XKR6: variants seen among roughly 807,000 people sequenced by gnomAD.
XKR6 encodes XK related 6, also known as XK-related protein 6.
XKR6 carries 22 observed loss-of-function variants against 56.7 expected under a neutral mutation model. The observed-to-expected ratio is 0.39, with a 90% CI of 0.28 to 0.55. XKR6 has a LOEUF of 0.55. XKR6 is among the 20% of genes least tolerant of loss of function. The probability of loss-of-function intolerance (pLI) is 0.66; values close to 1 mark genes in which losing one functional copy is unlikely to be tolerated. For synonymous variants in XKR6, 524 were observed against 387.8 expected (o/e 1.35, Z -4.13); for missense variants, 852 against 889.0 (o/e 0.96, Z 0.53).
chr8:11,145,236 T>C (rs925684577), intron 1 of XKR6, among the ~76,000 whole-genome samples: 3 of 151,178 alleles, frequency 2.0e-5, no homozygotes, highest in Admixed American at 6.6e-5. Context: ...CTGGTAAGCA[T>C]GATGCAAATA....
intron 1 of XKR6, among the ~76,000 whole-genome samples, chr8:10,990,185 C>T (rs1039788780): frequency 4.6e-5 from 7 of 152,204 alleles, no homozygotes; most frequent in African/African-American, 1.7e-4. Flanking sequence ...TTTATACCTG[C>T]ATGTGATTTT....
intron 1 of XKR6, among the ~76,000 whole-genome samples, chr8:11,129,698 T>A (rs774630495): frequency 5.9e-5 from 9 of 152,228 alleles, no homozygotes; most frequent in African/African-American, 1.9e-4. Context: ...TTATCATAAA[T>A]CTATAATTTA....
chr8:11,160,767 G>C (rs374975870), intron 1 of XKR6, among the ~76,000 whole-genome samples: 1 of 151,922 alleles, frequency 6.6e-6, no homozygotes, highest in Non-Finnish European at 1.5e-5. Flanking sequence ...AATTAGCTGG[G>C]TATGGTGGCA....
intron 1 of XKR6, among the ~76,000 whole-genome samples, chr8:11,100,524 G>T: frequency 6.6e-6 from 1 of 152,192 alleles, no homozygotes; most frequent in East Asian, 1.9e-4. Context: ...TGGCTGGGAG[G>T]ATGGCACGGA....
chr8:10,944,594 G>A (rs1291076084), intron 1 of XKR6, among the ~76,000 whole-genome samples: 2 of 152,172 alleles, frequency 1.3e-5, no homozygotes, highest in African/African-American at 4.8e-5. Flanking sequence ...CAGAAATAGT[G>A]CACCCATGTA....
At chr8:11,042,895 TCCTCCCTG>T (rs1352124640) in intron 1 of XKR6, among the ~76,000 whole-genome samples, 27 of 151,796 alleles carry the variant, frequency 1.8e-4, no homozygotes, top group African/African-American at 6.5e-4. Flanking sequence ...CCCAGAAGAG[TCCTCCCTG>T]CACTCCTCTT....
chr8:10,968,536 C>T (rs1348949141), intron 1 of XKR6, among the ~76,000 whole-genome samples: 4 of 152,380 alleles, frequency 2.6e-5, no homozygotes, highest in African/African-American at 7.2e-5. Flanking sequence ...ACCCTCCCTC[C>T]TCCTGTCCTC....
At position 10,898,032 on chromosome 8, in the gene XKR6, C is replaced by G. The variant is rs1465916564; in HGVS notation, c.1846G>C (p.Val616Leu). The G allele has an allele frequency of 1.2e-6, 2 of 1,613,778 alleles. No homozygotes were observed. Among genetic ancestry groups the G allele is most frequent in the Non-Finnish European group, 1.7e-6 (2 of 1,179,902 alleles). Residue 616 changes from valine to leucine, a missense_variant, in exon 3 of 3, where the codon GTC becomes CTC. Transcript: ENST00000416569. The surrounding 1 kb of genome is among the most constrained non-coding windows in gnomAD (Gnocchi z 6.6). ...LRRTINILQY[V>L]TPTAVGIRYR... ...CGAATGCCTACTGCGGTGGGGGTGA[C>G]ATATTGTAGAATGTTAATAGTCCTT... is the stretch of plus-strand genomic sequence containing the variant.
chr8:11,164,396 T>C (rs561061849), intron 1 of XKR6, among the ~76,000 whole-genome samples: 2 of 152,360 alleles, frequency 1.3e-5, no homozygotes, highest in South Asian at 4.1e-4. Flanking sequence ...CATTAGCCCT[T>C]TCTCCTCAGT....
In XKR6 at chr8:11,200,850, G is replaced by A. The variant is rs756497025; in HGVS notation, c.490C>T (p.Leu164=). 1.9e-6 allele frequency: 3 copies of A among 1,611,988 alleles called. No homozygotes were observed. The South Asian group carries it at 3.3e-5, about 18-fold the overall frequency. ...GGCACCAGCACGAAGAAGAGGGTCA[G>A]CCCGAAGTAGACGTAGTCCCCCTTG... is the stretch of plus-strand genomic sequence containing the variant. ...YRKGDYVYFG[L]TLFFVLVPSL... The change falls in exon 1 of 3, where the codon CTG becomes TTG. Residue 164 remains leucine, a synonymous_variant. Transcript: ENST00000416569. The surrounding 1 kb of genome is among the most constrained non-coding windows in gnomAD (Gnocchi z 6.4).
chr8:11,127,806 G>C (rs1014074708), intron 1 of XKR6, among the ~76,000 whole-genome samples: 2 of 152,210 alleles, frequency 1.3e-5, no homozygotes, highest in South Asian at 4.2e-4. Flanking sequence ...TGGACACTGC[G>C]GGGGGCGCCA....
At chr8:11,179,387 C>T (rs1321418602) in intron 1 of XKR6, among the ~76,000 whole-genome samples, 1 of 152,108 alleles carries the variant, frequency 6.6e-6, no homozygotes, top group African/African-American at 2.4e-5. Context: ...ACTTTCAGTC[C>T]ACCTAACATT....
chr8:11,002,690 G>T lies in XKR6; in HGVS notation c.765-77860C>A, dbSNP rs542652934. 5.9e-5 allele frequency among the ~76,000 whole-genome samples: 9 copies of T among 152,344 alleles called. 1 individual carries two copies. The highest frequency in any genetic ancestry group is 2.2e-4 in the African/African-American group (9 of 41,580). ...CAACCATGGGATGGCCCAGGCCCAG[G>T]GGGTGGTGCGAGTTCAACGGCCCCA... On this transcript the variant is annotated intron_variant, in intron 1 of 2. Coordinates refer to ENST00000416569, the MANE Select transcript of XKR6 (RefSeq NM_173683.4).
At chr8:11,074,916 G>A (rs899669840) in intron 1 of XKR6, among the ~76,000 whole-genome samples, 2 of 152,206 alleles carry the variant, frequency 1.3e-5, no homozygotes, top group Non-Finnish European at 2.9e-5. Context: ...GCAGAGCCCT[G>A]GGAAAAGCTG....
chr8:11,157,774 G>A (rs756020132), intron 1 of XKR6, among the ~76,000 whole-genome samples: 2 of 151,998 alleles, frequency 1.3e-5, no homozygotes, highest in Non-Finnish European at 2.9e-5. Context: ...CTTGGCCTCC[G>A]AAAGTGCTGG....
In XKR6 at chr8:11,144,477, A is replaced by G. The variant is rs115099511; in HGVS notation, c.764+56099T>C. Among the ~76,000 whole-genome samples, 420 of 152,058 alleles carry G rather than the reference A, an allele frequency of 2.8e-3. 5 individuals carry two copies. The highest frequency in any genetic ancestry group is 9.9e-3 in the African/African-American group (410 of 41,458). ...CAAAACTCAGAACCCTAGGAAGTTC[A>G]GGAAATGAAAGGACCACGTAATCTG... is the stretch of plus-strand genomic sequence containing the variant. On this transcript the variant is annotated intron_variant, in intron 1 of 2. Coordinates refer to ENST00000416569, the MANE Select transcript of XKR6 (RefSeq NM_173683.4).
chr8:10,975,884 T>A (rs183269610), intron 1 of XKR6, among the ~76,000 whole-genome samples: 2 of 152,104 alleles, frequency 1.3e-5, no homozygotes, highest in African/African-American at 2.4e-5. Context: ...CACGGAGGTA[T>A]CAAAAGCGCC....
At chr8:11,084,886 G>A (rs189379774) in intron 1 of XKR6, among the ~76,000 whole-genome samples, 1 of 152,272 alleles carries the variant, frequency 6.6e-6, no homozygotes. Flanking sequence ...CATATTTGCA[G>A]TTGGTCAGCT....
intron 1 of XKR6, among the ~76,000 whole-genome samples, chr8:11,160,009 A>G (rs1262682430): frequency 6.6e-6 from 1 of 152,154 alleles, no homozygotes; most frequent in African/African-American, 2.4e-5. Context: ...TACCTATAGG[A>G]GCTGCTGATA....
Sources: allele counts gnomAD v4.1 joint callset (sites outside exome capture counted in the v4.1 genomes callset), GRCh38; gene constraint gnomAD v4.1.1; non-coding constraint Gnocchi (gnomAD v3.1); transcripts MANE v1.5; gene names NCBI Gene and HGNC (gene_info 2026-07-23, HGNC 2026-07-21).